SNRK: variants seen among roughly 807,000 people sequenced by gnomAD.
The protein encoded by SNRK is SNF-related serine/threonine-protein kinase.
A neutral mutation model predicts 48.2 loss-of-function variants in SNRK; 3 were observed. That is an observed-to-expected ratio of 0.06 (90% CI 0.03 to 0.16). SNRK has a LOEUF of 0.16. Ranked by LOEUF, SNRK falls within the 10% of genes least tolerant of loss-of-function variation. The pLI is 1.00. For missense variants in SNRK, 627 were observed against 976.0 expected (o/e 0.64, Z 4.76); for synonymous variants, 376 against 366.1 (o/e 1.03, Z -0.31).
intron 3 of SNRK, among the ~76,000 whole-genome samples, chr3:43,329,666 G>A (rs910233432): frequency 6.6e-6 from 1 of 152,034 alleles, no homozygotes; most frequent in Admixed American, 6.6e-5. Context: ...GAAATTATTT[G>A]AGCCCTAACT....
At chr3:43,338,118 C>T (rs1189765238) in intron 4 of SNRK, among the ~76,000 whole-genome samples, 1 of 152,172 alleles carries the variant, frequency 6.6e-6, no homozygotes, top group Non-Finnish European at 1.5e-5. Context: ...ATTTTAATAA[C>T]TTTTCAAATG....
At chr3:43,298,299 T>C (rs935045826) in intron 1 of SNRK, among the ~76,000 whole-genome samples, 4 of 152,174 alleles carry the variant, frequency 2.6e-5, no homozygotes, top group Non-Finnish European at 5.9e-5. Context: ...ACTACCGCAC[T>C]GCTTTGCCAC....
chr3:43,316,145 A>G (rs1392932332), intron 3 of SNRK, among the ~76,000 whole-genome samples: 1 of 152,228 alleles, frequency 6.6e-6, no homozygotes, highest in Non-Finnish European at 1.5e-5. Context: ...AGACTGAAAA[A>G]TATGATAGAA....
At chr3:43,330,390 ATGAAGTGCACAT>A (rs1400678896) in intron 3 of SNRK, among the ~76,000 whole-genome samples, 1 of 152,238 alleles carries the variant, frequency 6.6e-6, no homozygotes, top group African/African-American at 2.4e-5. Context: ...CTTTTTGTAA[ATGAAGTGCACAT>A]TGCAATAAAG....
At position 43,337,563 on chromosome 3, in the gene SNRK, A is replaced by C. The variant is rs559440018; in HGVS notation, c.732-2724A>C. ...AGGTGCAAGCCACCACACCTGGCTA[A>C]TTTTTTTTTTAATTTTTTTGTAGAG... On this transcript the variant is annotated intron_variant, in intron 4 of 6. Transcript: ENST00000296088. 6.0e-5 allele frequency among the ~76,000 whole-genome samples: 9 copies of C among 150,218 alleles called. 1 individual carries two copies. The South Asian group carries it at 1.9e-3, about 32-fold the overall frequency.
chr3:43,303,166 T>G lies in SNRK; in HGVS notation c.-38T>G. 6.7e-7 allele frequency: 1 copy of G among 1,488,366 alleles called. No individual in the cohort carries two copies. Among genetic ancestry groups the G allele is most frequent in the East Asian group, 2.3e-5 (1 of 44,066 alleles). 92.2% of individuals were successfully genotyped at this position (1,488,366 alleles called of 1,614,324 possible). A position where few individuals can be genotyped will look rare whatever the true frequency, so the allele number is the denominator to read the frequency against. On this transcript the variant is annotated 5_prime_UTR_variant, in exon 3 of 7. Transcript: ENST00000296088. The surrounding 1 kb of genome is among the most constrained non-coding windows in gnomAD (Gnocchi z 6.2). ...ATATTCTTATATGAGAAGATCTATT[T>G]TAAACAGTCTAAATATTTTTTCTTC...
intron 3 of SNRK, among the ~76,000 whole-genome samples, chr3:43,305,696 A>G (rs1332395865): frequency 1.3e-5 from 2 of 151,938 alleles, no homozygotes; most frequent in Non-Finnish European, 2.9e-5. Context: ...CGTGTTAGCC[A>G]GGATGGTCTT....
chr3:43,350,534 A>G lies in SNRK; in HGVS notation c.*1977A>G, dbSNP rs1263391401. On this transcript the variant is annotated 3_prime_UTR_variant, in exon 7 of 7. Transcript: ENST00000296088. ...TATATATGGTGCTCACTTTAGGATC[A>G]GCAGTGTTGACCATTTATGCTGCAT... 2 of 152,642 alleles carry G rather than the reference A, an allele frequency of 1.3e-5. No homozygotes were observed. The highest frequency in any genetic ancestry group is 2.9e-5 in the Non-Finnish European group (2 of 68,054). 9.5% of individuals were successfully genotyped at this position (152,642 alleles called of 1,614,324 possible).
At chr3:43,321,392 T>C (rs1253210197) in intron 3 of SNRK, among the ~76,000 whole-genome samples, 1 of 152,162 alleles carries the variant, frequency 6.6e-6, no homozygotes, top group African/African-American at 2.4e-5. Flanking sequence ...TGCCTATTGA[T>C]CATTTACCAG....
chr3:43,323,195 A>G (rs1255105000), intron 3 of SNRK, among the ~76,000 whole-genome samples: 1 of 152,216 alleles, frequency 6.6e-6, no homozygotes, highest in Non-Finnish European at 1.5e-5. Flanking sequence ...GATCTGTGTC[A>G]TAGACATACA....
At chr3:43,330,088 G>T (rs919471207) in intron 3 of SNRK, among the ~76,000 whole-genome samples, 1 of 152,170 alleles carries the variant, frequency 6.6e-6, no homozygotes, top group Non-Finnish European at 1.5e-5. Flanking sequence ...TATATGGAAA[G>T]ATATGAATTT....
chr3:43,318,356 TA>T (rs57684209), intron 3 of SNRK, among the ~76,000 whole-genome samples: 13,491 of 151,248 alleles, frequency 0.089, 758 homozygotes, highest in African/African-American at 0.15. Flanking sequence ...AAATGTTAGA[TA>T]AAAAAAAATG....
At chr3:43,318,879 T>C (rs964062990) in intron 3 of SNRK, among the ~76,000 whole-genome samples, 2 of 151,932 alleles carry the variant, frequency 1.3e-5, no homozygotes, top group African/African-American at 4.8e-5. Flanking sequence ...AATACAAAAA[T>C]TAGCCAGGCG....
chr3:43,330,249 A>T (rs1316506815), intron 3 of SNRK, among the ~76,000 whole-genome samples: 1 of 152,056 alleles, frequency 6.6e-6, no homozygotes, highest in Non-Finnish European at 1.5e-5. Flanking sequence ...ATTTAAAATC[A>T]CCCCTTTTTT....
intron 6 of SNRK, among the ~76,000 whole-genome samples, chr3:43,344,200 CCT>C (rs1020381756): frequency 1.3e-5 from 2 of 151,474 alleles, no homozygotes; most frequent in African/African-American, 2.4e-5. Flanking sequence ...TTTCTAACCC[CCT>C]CTCTCCTCCT....
intron 5 of SNRK, 26 bp from the exon 6 acceptor site, chr3:43,343,318 G>A (rs745706528): frequency 5.6e-5 from 88 of 1,576,676 alleles, no homozygotes; most frequent in South Asian, 1.9e-4. Flanking sequence ...TATGGCTGAC[G>A]TTTGCTCTCA....
chr3:43,307,233 C>A (rs2125622851), intron 3 of SNRK, among the ~76,000 whole-genome samples: 1 of 152,294 alleles, frequency 6.6e-6, no homozygotes, highest in East Asian at 1.9e-4. Context: ...ATATATTTTA[C>A]ATGATGAGTT....
At chr3:43,315,390 C>T (rs1029015133) in intron 3 of SNRK, 3 of 152,176 alleles carry the variant, frequency 2.0e-5, no homozygotes, top group Non-Finnish European at 2.9e-5. Flanking sequence ...AGTTTCATGT[C>T]CCATTTTAAG....
chr3:43,317,758 GTCACCCC>G (rs1373172299), intron 3 of SNRK, among the ~76,000 whole-genome samples: 1 of 152,124 alleles, frequency 6.6e-6, no homozygotes, highest in Non-Finnish European at 1.5e-5. Context: ...TTGCCCACAT[GTCACCCC>G]TCAGTGAGGC....
Sources: gnomAD v4.1 joint callset for allele counts (sites outside exome capture counted in the v4.1 genomes callset) on GRCh38, gnomAD v4.1.1 for gene constraint, Gnocchi (gnomAD v3.1) non-coding constraint, MANE v1.5 for transcripts, NCBI Gene and HGNC (gene_info 2026-07-23, HGNC 2026-07-21) for gene names.